Variants in SLC35F6 observed in about 807,000 individuals in gnomAD.
The protein encoded by SLC35F6 is ANT2-binding protein.
A neutral mutation model predicts 29.4 loss-of-function variants in SLC35F6; 26 were observed. That is an observed-to-expected ratio of 0.89 (90% CI 0.65 to 1.23). The LOEUF (loss-of-function observed/expected upper bound fraction) is 1.23. Among genes scored for constraint, SLC35F6 ranks in the 50% most tolerant of loss-of-function variants. SLC35F6 has a pLI of 0.00. For synonymous variants in SLC35F6, 174 were observed against 206.6 expected (o/e 0.84, Z 1.35); for missense variants, 428 against 487.8 (o/e 0.88, Z 1.15).
chr2:26,774,641 G>A (rs1287133488), intron 2 of SLC35F6, among the ~76,000 whole-genome samples: 1 of 152,226 alleles, frequency 6.6e-6, no homozygotes, highest in East Asian at 1.9e-4. Context: ...TTGGGACAGG[G>A]CAGACACCAT....
rs1307590941 is a variant in SLC35F6 at position 26,778,087 on chromosome 2, A to G, written c.692A>G (p.Tyr231Cys). Residue 231 changes from tyrosine to cysteine, a missense_variant, in exon 6 of 6, where the codon TAC becomes TGC. Coordinates refer to ENST00000344420, the MANE Select transcript of SLC35F6 (RefSeq NM_017877.4). ...VILSLLLVPM[Y>C]YIPAGSFSGN... ...CTCTCCCTGCTGCTGGTGCCCATGTACTACATCCCCGCCGGCTCCTTCAGC... is the reference window on the plus strand; with the variant it reads ...CTCTCCCTGCTGCTGGTGCCCATGTGCTACATCCCCGCCGGCTCCTTCAGC... 5 of 1,613,826 alleles carry G rather than the reference A, an allele frequency of 3.1e-6. No individual in the cohort carries two copies. Among genetic ancestry groups the G allele is most frequent in the Non-Finnish European group, 3.4e-6 (4 of 1,179,890 alleles).
At chr2:26,771,172 A>C (rs1327183798) in intron 1 of SLC35F6, among the ~76,000 whole-genome samples, 1 of 152,206 alleles carries the variant, frequency 6.6e-6, no homozygotes, top group Admixed American at 6.5e-5. Flanking sequence ...CTCCCCAAGA[A>C]GCGCCCCAGC....
chr2:26,777,536 G>A (rs117457529), intron 5 of SLC35F6, among the ~76,000 whole-genome samples: 1 of 152,294 alleles, frequency 6.6e-6, no homozygotes, highest in East Asian at 1.9e-4. Context: ...CTGTTTTCTA[G>A]CAAGACCTTA....
intron 5 of SLC35F6, among the ~76,000 whole-genome samples, chr2:26,777,511 T>C (rs911946820): frequency 2.0e-5 from 3 of 152,220 alleles, no homozygotes; most frequent in African/African-American, 7.2e-5. Flanking sequence ...GCATGCAGTC[T>C]ATTTCCACTC....
chr2:26,775,600 G>A lies in SLC35F6; in HGVS notation c.459G>A (p.Ala153=), dbSNP rs780949991. ...GGCTGGGCATCCTAGCCACCATCGC[G>A]GGGCTGGTGGTCGTGGGCCTGGCTG... ...SQWLGILATI[A]GLVVVGLADL... Residue 153 remains alanine (A), a synonymous_variant, in exon 4 of 6, where the codon GCG becomes GCA. Transcript: ENST00000344420. This position sits in a 1 kb window ranked among gnomAD's most constrained non-coding sequence, Gnocchi z 4.6. 5.0e-6 allele frequency: 8 copies of A among 1,607,216 alleles called. No individual in the cohort carries two copies. In the East Asian group the frequency reaches 6.7e-5, roughly 13 times the overall value.
At chr2:26,767,805 A>C (rs1207909469) in intron 1 of SLC35F6, among the ~76,000 whole-genome samples, 1 of 152,174 alleles carries the variant, frequency 6.6e-6, no homozygotes, top group Non-Finnish European at 1.5e-5. Flanking sequence ...CCAGGAGTTC[A>C]AGATCAGCCT....
rs757549752 is a variant in SLC35F6 at position 26,774,273 on chromosome 2, G to A, written c.100G>A (p.Glu34Lys). ...CAGATGGGCGGACAATTTCATGGCCGAGGGCTGTGGAGGGAGCAAGGAGCA... is the reference window on the plus strand; with the variant it reads ...CAGATGGGCGGACAATTTCATGGCCAAGGGCTGTGGAGGGAGCAAGGAGCA... ...SAKWADNFMA[E>K]GCGGSKEHSF... The change falls in exon 2 of 6, where the codon GAG (glutamate) becomes AAG (lysine). Residue 34 changes from glutamate to lysine, a missense_variant. Coordinates refer to ENST00000344420, the MANE Select transcript of SLC35F6 (RefSeq NM_017877.4). The A allele has an allele frequency of 2.3e-5, 37 of 1,613,958 alleles. No individual in the cohort carries two copies. Among genetic ancestry groups the A allele is most frequent in the South Asian group, 6.6e-5 (6 of 91,064 alleles).
intron 1 of SLC35F6, among the ~76,000 whole-genome samples, chr2:26,769,324 C>T (rs144161866): frequency 1.3e-5 from 2 of 152,348 alleles, no homozygotes; most frequent in African/African-American, 2.4e-5. Context: ...CCAAAAGGAG[C>T]GGCCTCAGCT....
Position 26,773,587 on chromosome 2 carries a change from C to T in SLC35F6, c.78-664C>T, listed in dbSNP as rs372903778. ...TATCAAACACTTAAAAAAGCAAATT[C>T]GTGATATAGAATATATATAGATATG... is the stretch of plus-strand genomic sequence containing the variant. On this transcript the variant is annotated intron_variant, in intron 1 of 5. Transcript: ENST00000344420. Among the ~76,000 whole-genome samples the T allele has an allele frequency of 2.7e-5, 4 of 148,250 alleles. No homozygotes were observed. The East Asian group carries it at 7.8e-4, about 29-fold the overall frequency.
chr2:26,775,383 C>G lies in SLC35F6; in HGVS notation c.323-81C>G. ...GATCGAGCGCTTACTATGAGCTTGG[C>G]ATGTCTATCACCAAAGACCCCTTAG... is the stretch of plus-strand genomic sequence containing the variant. On this transcript the variant is annotated intron_variant, in intron 3 of 5. Coordinates refer to ENST00000344420, the MANE Select transcript of SLC35F6 (RefSeq NM_017877.4). This position sits in a 1 kb window ranked among gnomAD's most constrained non-coding sequence, Gnocchi z 4.6. 1 of 1,543,982 alleles carries G rather than the reference C, an allele frequency of 6.5e-7. No homozygotes were observed. The highest frequency in any genetic ancestry group is 8.8e-7 in the Non-Finnish European group (1 of 1,140,418).
Position 26,775,390 on chromosome 2 carries a change from A to G in SLC35F6, c.323-74A>G, listed in dbSNP as rs1364569556. 15 of 1,554,450 alleles carry G rather than the reference A, an allele frequency of 9.6e-6. No homozygotes were observed. In the Admixed American group the frequency reaches 2.2e-4, roughly 23 times the overall value. On this transcript the variant is annotated intron_variant, in intron 3 of 5. Coordinates refer to ENST00000344420, the MANE Select transcript of SLC35F6 (RefSeq NM_017877.4). This position sits in a 1 kb window ranked among gnomAD's most constrained non-coding sequence, Gnocchi z 4.6. ...CGCTTACTATGAGCTTGGCATGTCT[A>G]TCACCAAAGACCCCTTAGTGACAGA...
chr2:26,773,280 C>G (rs1664230742), intron 1 of SLC35F6, among the ~76,000 whole-genome samples: 2 of 151,894 alleles, frequency 1.3e-5, no homozygotes, highest in African/African-American at 4.8e-5. Flanking sequence ...GAGGGTGGTT[C>G]ACAAGGTCAG....
At chr2:26,764,748 C>G (rs1664063726) in intron 1 of SLC35F6, 10 of 975,726 alleles carry the variant, frequency 1.0e-5, no homozygotes, top group Non-Finnish European at 1.2e-5. Context: ...CACCTCCCTC[C>G]ACGAGCTGGG....
chr2:26,773,084 C>G (rs1664226852), intron 1 of SLC35F6, among the ~76,000 whole-genome samples: 2 of 152,228 alleles, frequency 1.3e-5, no homozygotes, highest in African/African-American at 4.8e-5. Flanking sequence ...AAGTCATTTC[C>G]CAGGACCCAA....
In SLC35F6 at chr2:26,775,220, G is replaced by A. The variant is rs1236559911; in HGVS notation, c.322+5G>A. 2 of 1,612,334 alleles carry A rather than the reference G, an allele frequency of 1.2e-6. No homozygotes were observed. The highest frequency in any genetic ancestry group is 3.3e-5 in the Admixed American group (2 of 59,906). The stretch of plus-strand genomic sequence containing the variant: ...GGACCAGCCTCATGTATGTGGGTGA[G>A]TAACCAGGCCAGGCTGAGAAGGGCT... On this transcript the variant is annotated splice_donor_5th_base_variant and intron_variant, in intron 3 of 5. Coordinates refer to ENST00000344420, the MANE Select transcript of SLC35F6 (RefSeq NM_017877.4). The surrounding 1 kb of genome is among the most constrained non-coding windows in gnomAD (Gnocchi z 4.6).
chr2:26,780,004 A>G lies in SLC35F6; in HGVS notation c.*1493A>G, dbSNP rs1490944494. 6.6e-6 allele frequency: 1 copy of G among 150,464 alleles called. No individual in the cohort carries two copies. Among genetic ancestry groups the G allele is most frequent in the Non-Finnish European group, 1.5e-5 (1 of 67,890 alleles). The allele number at this position is 150,464 out of a possible 1,614,324, so 9.3% of individuals were successfully genotyped here. A position where few individuals can be genotyped will look rare whatever the true frequency, so the allele number is the denominator to read the frequency against. On this transcript the variant is annotated 3_prime_UTR_variant, in exon 6 of 6. Transcript: ENST00000344420. ...TATTTTTTTGGCAGAGATGGGTCTCACTGTGTTGCCCAGGCTGATCTCAAA... is the reference window on the plus strand; with the variant it reads ...TATTTTTTTGGCAGAGATGGGTCTCGCTGTGTTGCCCAGGCTGATCTCAAA...
At chr2:26,764,459 T>TG in intron 1 of SLC35F6, 33 bp downstream of exon 1, 1 of 1,549,592 alleles carries the variant, frequency 6.5e-7, no homozygotes. Flanking sequence ...GTGCGGGCCC[T>TG]GGCGACCCCG....
At chr2:26,764,542 C>T in intron 1 of SLC35F6, 116 bp downstream of exon 1, 1 of 1,335,660 alleles carries the variant, frequency 7.5e-7, no homozygotes, top group Non-Finnish European at 1.0e-6. Context: ...TTGCTCCGGT[C>T]AGTTCGCGCG....
At chr2:26,777,933 T>C in intron 5 of SLC35F6, 109 bp from the exon 6 acceptor site, 3 of 1,024,898 alleles carry the variant, frequency 2.9e-6, no homozygotes, top group Non-Finnish European at 4.4e-6. Flanking sequence ...GGAGCTGGCA[T>C]GAGGACCACT....
Sources: gnomAD v4.1 joint callset for allele counts (sites outside exome capture counted in the v4.1 genomes callset) on GRCh38, gnomAD v4.1.1 for gene constraint, Gnocchi (gnomAD v3.1) non-coding constraint, MANE v1.5 for transcripts, NCBI Gene and HGNC (gene_info 2026-07-23, HGNC 2026-07-21) for gene names.